The following GLIS3 variants were observed in gnomAD, a reference collection of about 807,000 sequenced individuals.
GLIS3 encodes the protein zinc finger protein GLIS3.
Under a neutral mutation model 78.6 loss-of-function variants are expected in GLIS3, and 53 were observed. The ratio of observed to expected loss-of-function variants is 0.67; its 90% CI spans 0.54 to 0.85. The LOEUF (loss-of-function observed/expected upper bound fraction) is 0.85. Ranked by LOEUF, GLIS3 falls within the 40% of genes least tolerant of loss-of-function variation. The pLI is 0.00. For missense variants in GLIS3, 1,703 were observed against 1,231.1 expected, an observed-to-expected ratio of 1.38 and a Z score of -5.74; for synonymous variants, 684 against 509.9, an observed-to-expected ratio of 1.34 and a Z score of -4.60.
chr9:4,329,636 G>C (rs73386278), intron 2 of GLIS3, among the ~76,000 whole-genome samples: 2,629 of 151,968 alleles, frequency 0.017, 84 homozygotes, highest in African/African-American at 0.06. Flanking sequence ...TATAGCAAAG[G>C]ATCACAGCAT....
chr9:4,448,070 G>C, the GLIS3 span, among the ~76,000 whole-genome samples: 31 of 152,234 alleles, frequency 2.0e-4, 1 homozygote, highest in African/African-American at 6.7e-4. Context: ...TCTGTACTCT[G>C]ATAGAGCCCA....
the GLIS3 span, among the ~76,000 whole-genome samples, chr9:4,452,076 T>C: frequency 6.6e-6 from 1 of 152,108 alleles, no homozygotes; most frequent in East Asian, 1.9e-4. Context: ...AAAAACGACA[T>C]GATTATCTCA....
intron 2 of GLIS3, among the ~76,000 whole-genome samples, chr9:4,136,640 A>C (rs541998202): frequency 3.2e-4 from 49 of 152,318 alleles, no homozygotes; most frequent in Admixed American, 6.5e-4. Flanking sequence ...CTAAAACATG[A>C]AGGAAGAATG....
chr9:4,238,789 T>A lies in GLIS3; in HGVS notation c.388+47249A>T, dbSNP rs566249672. Among the ~76,000 whole-genome samples, 19 of 152,258 alleles carry A rather than the reference T, an allele frequency of 1.2e-4. No individual in the cohort carries two copies. The South Asian group carries it at 3.5e-3, about 28-fold the overall frequency. On this transcript the variant is annotated intron_variant, in intron 2 of 10. Coordinates refer to ENST00000381971, the MANE Select transcript of GLIS3 (RefSeq NM_001042413.2). ...TTAATTAAATCCTTCAGCACTAATG[T>A]CCCAAAGCATTCCGTGAGTCAAGCT...
intron 7 of GLIS3, among the ~76,000 whole-genome samples, chr9:3,892,284 CTAAGACTCCAA>C (rs1822517253): frequency 1.3e-5 from 2 of 152,122 alleles, no homozygotes; most frequent in South Asian, 4.1e-4. Context: ...GGTAGAAAAA[CTAAGACTCCAA>C]TAAGACTCCA....
intron 4 of GLIS3, among the ~76,000 whole-genome samples, chr9:3,953,778 T>TA (rs1563886428): frequency 1.6e-4 from 6 of 38,346 alleles, no homozygotes; most frequent in African/African-American, 6.1e-4. Context: ...TCTCTCTCTC[T>TA]CTCTCTCTCT....
intron 4 of GLIS3, among the ~76,000 whole-genome samples, chr9:4,112,255 T>C (rs546510020): frequency 9.2e-5 from 14 of 152,286 alleles, no homozygotes; most frequent in Admixed American, 2.0e-4. Context: ...CTACCAATCA[T>C]TCTAATATCT....
intron 6 of GLIS3, among the ~76,000 whole-genome samples, chr9:3,916,029 C>T (rs946189632): frequency 4.6e-5 from 7 of 152,172 alleles, no homozygotes; most frequent in African/African-American, 1.7e-4. Flanking sequence ...TAGAACAAGT[C>T]TTCTAGTCCA....
At chr9:4,362,035 AT>A in the GLIS3 span, among the ~76,000 whole-genome samples, 3 of 152,242 alleles carry the variant, frequency 2.0e-5, no homozygotes, top group African/African-American at 7.2e-5. Flanking sequence ...CAAAAAATAA[AT>A]GGTCAGCAAA....
rs189376991 is a variant in GLIS3, at chr9:3,938,229, G to C, written c.1711-1040C>G. On this transcript the variant is annotated intron_variant, in intron 4 of 10. Coordinates refer to ENST00000381971, the MANE Select transcript of GLIS3 (RefSeq NM_001042413.2). ...TTGAGTTCTCACTGGAAGGGAAACT[G>C]AGAAATACGGAACACCTACTGGAAA... Among the ~76,000 whole-genome samples the C allele has an allele frequency of 2.1e-4, 32 of 152,244 alleles. 1 individual carries two copies. Among genetic ancestry groups the C allele is most frequent in the Admixed American group, 1.9e-3 (29 of 15,288 alleles).
At chr9:4,342,392 G>T (rs116122806) in intron 2 of GLIS3, among the ~76,000 whole-genome samples, 6 of 152,174 alleles carry the variant, frequency 3.9e-5, no homozygotes, top group African/African-American at 1.4e-4. Flanking sequence ...TTTTGTCAAA[G>T]GTTGGGTGAT....
At chr9:4,415,897 C>T in the GLIS3 span, among the ~76,000 whole-genome samples, 30 of 151,804 alleles carry the variant, frequency 2.0e-4, no homozygotes, top group Non-Finnish European at 3.7e-4. Flanking sequence ...TTCCCTTTGC[C>T]TTTACTCTCC....
the GLIS3 span, among the ~76,000 whole-genome samples, chr9:4,355,433 A>T: frequency 3.9e-5 from 6 of 152,182 alleles, no homozygotes; most frequent in Non-Finnish European, 8.8e-5. Context: ...ATGATTATTA[A>T]ATACAAGCAC....
intron 2 of GLIS3, among the ~76,000 whole-genome samples, chr9:4,271,463 C>T (rs1444817088): frequency 6.6e-6 from 1 of 152,016 alleles, no homozygotes; most frequent in Admixed American, 6.5e-5. Flanking sequence ...CTCTGAGTAA[C>T]ACAGATACTA....
chr9:4,303,579 G>A (rs947790978), upstream of GLIS3, among the ~76,000 whole-genome samples: 2 of 152,028 alleles, frequency 1.3e-5, no homozygotes, highest in Non-Finnish European at 2.9e-5. Context: ...TACACATATC[G>A]CATTCACAAC....
chr9:4,408,726 C>CAA, the GLIS3 span, among the ~76,000 whole-genome samples: 2,791 of 55,868 alleles, frequency 0.05, 246 homozygotes, highest in African/African-American at 0.15. Context: ...GACTCTGTCT[C>CAA]AAAAAAAAAA....
intron 2 of GLIS3, among the ~76,000 whole-genome samples, chr9:4,280,958 A>G (rs910863282): frequency 2.6e-5 from 4 of 152,188 alleles, no homozygotes; most frequent in Non-Finnish European, 5.9e-5. Context: ...AGTTCATAGC[A>G]TGCTCAGTGT....
At chr9:3,828,923 G>A (rs1406305508) in intron 10 of GLIS3, among the ~76,000 whole-genome samples, 2 of 152,108 alleles carry the variant, frequency 1.3e-5, no homozygotes, top group African/African-American at 2.4e-5. Flanking sequence ...CTGGAGAGTC[G>A]AATTTATTCT....
chr9:4,436,553 C>A, the GLIS3 span, among the ~76,000 whole-genome samples: 520 of 152,118 alleles, frequency 3.4e-3, 4 homozygotes, highest in African/African-American at 0.012. Flanking sequence ...GCCTGTAATC[C>A]CAGCACTTTG....
Sources: gnomAD v4.1 joint callset for allele counts (sites outside exome capture counted in the v4.1 genomes callset) on GRCh38, gnomAD v4.1.1 for gene constraint, MANE v1.5 for transcripts, NCBI Gene and HGNC (gene_info 2026-07-23, HGNC 2026-07-21) for gene names.